ZNF592: variants seen among roughly 807,000 people sequenced by gnomAD.
ZNF592 encodes the protein spinocerebellar ataxia, autosomal recessive 5.
A neutral mutation model predicts 80.3 loss-of-function variants in ZNF592; 11 were observed. The ratio of observed to expected loss-of-function variants is 0.14; its 90% CI spans 0.09 to 0.23. The LOEUF (loss-of-function observed/expected upper bound fraction) is 0.23, where lower values mean the gene tolerates loss of function less well. Ranked by LOEUF, ZNF592 falls within the 10% of genes least tolerant of loss-of-function variation. ZNF592 has a pLI of 1.00. For missense variants in ZNF592, 1,420 were observed against 1,633.9 expected, an observed-to-expected ratio of 0.87 and a Z score of 2.26; for synonymous variants, 646 against 640.3, an observed-to-expected ratio of 1.01 and a Z score of -0.13.
intron 5 of ZNF592, among the ~76,000 whole-genome samples, chr15:84,793,875 G>A (rs1278852781): frequency 6.6e-6 from 1 of 152,128 alleles, no homozygotes; most frequent in African/African-American, 2.4e-5. Flanking sequence ...GATACACCAT[G>A]TTTTGTTTAT....
intron 2 of ZNF592, among the ~76,000 whole-genome samples, chr15:84,770,003 G>C (rs1252437311): frequency 2.0e-5 from 3 of 152,224 alleles, no homozygotes; most frequent in Admixed American, 2.0e-4. Context: ...TAGAGGCAAG[G>C]GTGGAAGCAA....
chr15:84,805,290 A>G lies in ZNF592; in HGVS notation c.*2897A>G, dbSNP rs1183093418. On this transcript the variant is annotated 3_prime_UTR_variant, in exon 11 of 11. Transcript: ENST00000560079. ...AGGTTGCCTAACCCTCACAGGGAAC[A>G]CACAGTTCCCTCAGAGTCCAGCATC... 1 of 152,218 alleles carries G rather than the reference A, an allele frequency of 6.6e-6. No individual in the cohort carries two copies. The highest frequency in any genetic ancestry group is 2.4e-5 in the African/African-American group (1 of 41,452). The allele number at this position is 152,218 out of a possible 1,614,324, so 9.4% of individuals were successfully genotyped here.
intron 1 of ZNF592, among the ~76,000 whole-genome samples, chr15:84,752,458 T>G (rs912235842): frequency 4.6e-5 from 7 of 152,182 alleles, no homozygotes; most frequent in African/African-American, 1.4e-4. Flanking sequence ...ACTTTTGAAC[T>G]AGGCTTTGGA....
At position 84,803,630 on chromosome 15, in the gene ZNF592, AAG is replaced by A; in HGVS notation, c.*1241_*1242del. On this transcript the variant is annotated 3_prime_UTR_variant, in exon 11 of 11. Coordinates refer to ENST00000560079, the MANE Select transcript of ZNF592 (RefSeq NM_014630.3). ...CTTTCCTTCAGTTGATTTTCAACAT[AAG>A]AGAACCCCTTACTGGTAAAAAGGGA... 1 of 152,262 alleles carries A rather than the reference AAG, an allele frequency of 6.6e-6. No individual in the cohort carries two copies. Among genetic ancestry groups the A allele is most frequent in the Non-Finnish European group, 1.5e-5 (1 of 68,050 alleles). The allele number at this position is 152,262 out of a possible 1,614,324, so 9.4% of individuals were successfully genotyped here. A position where few individuals can be genotyped will look rare whatever the true frequency, so the allele number is the denominator to read the frequency against.
rs143779764 is a variant in ZNF592 at position 84,776,346 on chromosome 15, G to A, written c.-149-1837G>A. 1.8e-4 allele frequency among the ~76,000 whole-genome samples: 28 copies of A among 152,370 alleles called. No individual in the cohort carries two copies. The East Asian group carries it at 5.4e-3, about 29-fold the overall frequency. ...CTTCCAACAGGTTATAGATACTGGTGTATGCTGAAACTTTTTATTTTGACT... is the reference window on the plus strand; with the variant it reads ...CTTCCAACAGGTTATAGATACTGGTATATGCTGAAACTTTTTATTTTGACT... On this transcript the variant is annotated intron_variant, in intron 2 of 10. Transcript: ENST00000560079.
At chr15:84,801,078 T>C (rs1019391124) in intron 10 of ZNF592, among the ~76,000 whole-genome samples, 5 of 152,218 alleles carry the variant, frequency 3.3e-5, no homozygotes, top group African/African-American at 1.2e-4. Flanking sequence ...CCCATCACTT[T>C]GGGAGGCCAA....
At chr15:84,756,911 A>T (rs2141960029) in intron 1 of ZNF592, among the ~76,000 whole-genome samples, 1 of 152,128 alleles carries the variant, frequency 6.6e-6, no homozygotes, top group Admixed American at 6.6e-5. Context: ...CAGGAGTTCG[A>T]GACCAGCCTG....
chr15:84,750,847 CT>C (rs1418780460), intron 1 of ZNF592, among the ~76,000 whole-genome samples: 1 of 152,106 alleles, frequency 6.6e-6, no homozygotes, highest in Non-Finnish European at 1.5e-5. Flanking sequence ...GGAGATTAGT[CT>C]GGAGACTAGG....
At chr15:84,758,495 G>A (rs939238758) in intron 1 of ZNF592, among the ~76,000 whole-genome samples, 11 of 152,040 alleles carry the variant, frequency 7.2e-5, no homozygotes, top group Non-Finnish European at 1.3e-4. Context: ...ATGTTGCCCA[G>A]GCTGGTCTTG....
chr15:84,773,510 C>A (rs917273805), intron 2 of ZNF592, among the ~76,000 whole-genome samples: 2 of 151,992 alleles, frequency 1.3e-5, no homozygotes, highest in African/African-American at 4.8e-5. Flanking sequence ...CGCGCCCGGC[C>A]CCCACCAGGG....
intron 10 of ZNF592, among the ~76,000 whole-genome samples, chr15:84,800,907 T>C (rs1963075911): frequency 6.6e-6 from 1 of 152,228 alleles, no homozygotes; most frequent in African/African-American, 2.4e-5. Flanking sequence ...CATCCCCACA[T>C]TGGGTTAGTG....
intron 5 of ZNF592, among the ~76,000 whole-genome samples, chr15:84,793,575 G>A (rs41492149): frequency 0.074 from 11,337 of 152,198 alleles, 514 homozygotes; most frequent in African/African-American, 0.11. Context: ...AGTGATCTGC[G>A]GTTGAAGTCA....
intron 2 of ZNF592, among the ~76,000 whole-genome samples, chr15:84,771,011 G>C (rs1567063760): frequency 6.6e-6 from 1 of 152,116 alleles, no homozygotes. Flanking sequence ...CCTTGCACAG[G>C]GCAAGCAGGG....
Position 84,783,013 on chromosome 15 carries a change from C to G in ZNF592, c.338C>G (p.Thr113Ser). 1.2e-6 allele frequency: 2 copies of G among 1,614,158 alleles called. No homozygotes were observed. The highest frequency in any genetic ancestry group is 1.7e-6 in the Non-Finnish European group (2 of 1,180,038). The part of the protein sequence containing the change: ...DPHNCGKFDS[T>S]FMNGDSARSF... ...CACAACTGTGGGAAATTTGATTCTA[C>G]TTTTATGAATGGAGACAGTGCCAGG... Residue 113 changes from threonine to serine, a missense_variant, in exon 4 of 11, where the codon ACT becomes AGT. This residue lies in a region of ZNF592 where 373 missense variants were observed against 355.5 expected (regional missense o/e 1.05). Coordinates refer to ENST00000560079, the MANE Select transcript of ZNF592 (RefSeq NM_014630.3). This position sits in a 1 kb window ranked among gnomAD's most constrained non-coding sequence, Gnocchi z 5.0.
In ZNF592 at chr15:84,784,622, C is replaced by T. The variant is rs747642902; in HGVS notation, c.1947C>T (p.Ser649=). 1.2e-6 allele frequency: 2 copies of T among 1,614,180 alleles called. No homozygotes were observed. The highest frequency in any genetic ancestry group is 4.5e-5 in the East Asian group (2 of 44,882). Residue 649 remains serine (S), a synonymous_variant, in exon 4 of 11, where the codon TCC becomes TCT. Coordinates refer to ENST00000560079, the MANE Select transcript of ZNF592 (RefSeq NM_014630.3). The surrounding 1 kb of genome is among the most constrained non-coding windows in gnomAD (Gnocchi z 5.8). ...HKSKGLVMQC[S]QLLVKPISAD... ...GCAAGGGGCTCGTCATGCAGTGTTC[C>T]CAGCTGCTGGTGAAGCCTATCTCTG...
intron 1 of ZNF592, among the ~76,000 whole-genome samples, chr15:84,761,912 C>G (rs961443837): frequency 6.6e-6 from 1 of 152,184 alleles, no homozygotes; most frequent in African/African-American, 2.4e-5. Flanking sequence ...GATTAATTGT[C>G]TAGAAATACT....
chr15:84,790,886 G>A lies in ZNF592; in HGVS notation c.2399+3G>A. On this transcript the variant is annotated splice_donor_region_variant and intron_variant, in intron 5 of 10. Coordinates refer to ENST00000560079, the MANE Select transcript of ZNF592 (RefSeq NM_014630.3). ...TATGCCCGCAAGGTGGGCTACAGGTGGGTGCTGCCTGGCTTGCTGTCCTGG... is the reference window on the plus strand; with the variant it reads ...TATGCCCGCAAGGTGGGCTACAGGTAGGTGCTGCCTGGCTTGCTGTCCTGG... 6.2e-7 allele frequency: 1 copy of A among 1,614,218 alleles called. No homozygotes were observed. The highest frequency in any genetic ancestry group is 8.5e-7 in the Non-Finnish European group (1 of 1,180,048).
Position 84,784,454 on chromosome 15 carries a change from A to G in ZNF592, c.1779A>G (p.Gly593=). Residue 593 remains glycine (G), a synonymous_variant, in exon 4 of 11, where the codon GGA becomes GGG. Transcript: ENST00000560079. This position sits in a 1 kb window ranked among gnomAD's most constrained non-coding sequence, Gnocchi z 5.8. ...GTGGGTACTGCTGCCTGGAGTGTGGAGACGCATTTGCCTTAGAGAAGAGCC... is the reference window on the plus strand; with the variant it reads ...GTGGGTACTGCTGCCTGGAGTGTGGGGACGCATTTGCCTTAGAGAAGAGCC... The part of the protein sequence containing the change: ...PASGYCCLEC[G]DAFALEKSLS... 6.2e-7 allele frequency: 1 copy of G among 1,614,184 alleles called. No individual in the cohort carries two copies. The highest frequency in any genetic ancestry group is 1.3e-5 in the African/African-American group (1 of 75,044).
chr15:84,756,050 A>G (rs144838366), intron 1 of ZNF592, among the ~76,000 whole-genome samples: 1 of 152,118 alleles, frequency 6.6e-6, no homozygotes, highest in Non-Finnish European at 1.5e-5. Context: ...CCTATGGACC[A>G]TTGGGCTCAG....
Sources: allele counts gnomAD v4.1 joint callset (sites outside exome capture counted in the v4.1 genomes callset), GRCh38; gene constraint gnomAD v4.1.1; regional missense constraint gnomAD v4.1.1; non-coding constraint Gnocchi (gnomAD v3.1); transcripts MANE v1.5; gene names NCBI Gene and HGNC (gene_info 2026-07-23, HGNC 2026-07-21).